Variants in EYS observed in about 807,000 individuals in gnomAD.
EYS encodes protein eyes shut homolog.
EYS carries 250 observed loss-of-function variants against 282.1 expected under a neutral mutation model. That is an observed-to-expected ratio of 0.89 (90% CI 0.80 to 0.98). The LOEUF is 0.98. EYS is among the 50% of genes least tolerant of loss of function. The pLI, the probability that EYS is intolerant of heterozygous loss-of-function variation, is 0.00. For synonymous variants in EYS, 1,355 were observed against 1,282.9 expected, an observed-to-expected ratio of 1.06 and a Z score of -1.20; for missense variants, 4,016 against 3,709.0, an observed-to-expected ratio of 1.08 and a Z score of -2.15.
Position 64,071,614 on chromosome 6 carries a change from A to G in EYS, c.6572-5123T>C, listed in dbSNP as rs144987792. ...CTTAAAGAATAATTTTTAAAAGGGT[A>G]TATAAAAACACATGTCATTTAGCAT... On this transcript the variant is annotated intron_variant, in intron 32 of 42. Coordinates refer to ENST00000503581, the MANE Select transcript of EYS (RefSeq NM_001142800.2). Among the ~76,000 whole-genome samples the G allele has an allele frequency of 1.4e-3, 211 of 148,968 alleles. 1 individual carries two copies. Among genetic ancestry groups the G allele is most frequent in the African/African-American group, 4.2e-3 (171 of 40,656 alleles).
intron 2 of EYS, among the ~76,000 whole-genome samples, chr6:65,550,331 T>TTTTATTTTATTTTTTA (rs1290880727): frequency 2.6e-5 from 1 of 39,050 alleles, no homozygotes; most frequent in Non-Finnish European, 3.9e-5. Flanking sequence ...GAGAGTTGTT[T>TTTTATTTTATTTTTTA]TTTATTTATT....
chr6:65,648,069 A>G (rs909422794), intron 1 of EYS, among the ~76,000 whole-genome samples: 2 of 152,208 alleles, frequency 1.3e-5, no homozygotes, highest in Non-Finnish European at 2.9e-5. Context: ...ACACTTTTAC[A>G]CTGTTGGTGG....
chr6:65,339,702 G>A (rs1175363357), intron 10 of EYS, among the ~76,000 whole-genome samples: 1 of 151,040 alleles, frequency 6.6e-6, no homozygotes, highest in East Asian at 2.0e-4. Context: ...GTGTCAAGCA[G>A]ATTGAGTTAT....
chr6:63,968,225 A>C (rs9353408), intron 35 of EYS, among the ~76,000 whole-genome samples: 73,491 of 151,978 alleles, frequency 0.48, 19,039 homozygotes, highest in African/African-American at 0.69. Context: ...GAAAAAGACT[A>C]AGATATCAGA....
intron 22 of EYS, among the ~76,000 whole-genome samples, chr6:64,655,858 T>C (rs1281288088): frequency 6.6e-6 from 1 of 152,136 alleles, no homozygotes; most frequent in African/African-American, 2.4e-5. Flanking sequence ...AAGTAGATGA[T>C]GGAATTTAAA....
At chr6:65,064,715 C>T (rs959446918) in intron 12 of EYS, among the ~76,000 whole-genome samples, 1 of 151,956 alleles carries the variant, frequency 6.6e-6, no homozygotes, top group South Asian at 2.1e-4. Context: ...GGTTCAAACA[C>T]TCACAGACCC....
rs1770719853 is a variant in EYS, at chr6:63,799,022, A to AAT, written c.7411+7167_7411+7168insAT. On this transcript the variant is annotated intron_variant, in intron 37 of 42. Transcript: ENST00000503581. The stretch of plus-strand genomic sequence containing the variant: ...ATATATATATATATATATATATATA[A>AAT]TTTTTTTTTTTGAGACAGTTTCACT... 9.4e-3 allele frequency among the ~76,000 whole-genome samples: 655 copies of AAT among 69,386 alleles called. 8 individuals are homozygous for AAT. The highest frequency in any genetic ancestry group is 0.036 in the African/African-American group (630 of 17,426). The allele number at this position is 69,386 out of a possible 152,430, so 45.5% of individuals were successfully genotyped here. A position where few individuals can be genotyped will look rare whatever the true frequency, so the allele number is the denominator to read the frequency against.
At chr6:65,417,361 G>T (rs1431971687) in intron 5 of EYS, among the ~76,000 whole-genome samples, 1 of 151,948 alleles carries the variant, frequency 6.6e-6, no homozygotes. Flanking sequence ...TTCAGTTTTG[G>T]CCATGCAGGA....
chr6:63,839,614 G>T (rs916147916), intron 36 of EYS, among the ~76,000 whole-genome samples: 7 of 152,114 alleles, frequency 4.6e-5, no homozygotes, highest in African/African-American at 1.7e-4. Context: ...CTCCCAAAGT[G>T]CTGACATTAC....
At chr6:64,716,766 AT>A (rs774825652) in intron 22 of EYS, among the ~76,000 whole-genome samples, 8 of 151,448 alleles carry the variant, frequency 5.3e-5, no homozygotes, top group South Asian at 2.1e-4. Context: ...TTACGTTGAT[AT>A]TTTTTTTTCT....
intron 31 of EYS, among the ~76,000 whole-genome samples, chr6:64,105,607 C>T (rs1772983568): frequency 6.6e-6 from 1 of 152,128 alleles, no homozygotes. Flanking sequence ...CCCTCCCTCT[C>T]ATCCCCTGGC....
intron 2 of EYS, among the ~76,000 whole-genome samples, chr6:65,524,207 C>T (rs1393509435): frequency 6.6e-6 from 1 of 151,556 alleles, no homozygotes; most frequent in Non-Finnish European, 1.5e-5. Context: ...CAGAATTAAT[C>T]ACCCTGGCCT....
intron 31 of EYS, among the ~76,000 whole-genome samples, chr6:64,106,234 A>G (rs543460741): frequency 6.6e-6 from 1 of 151,968 alleles, no homozygotes; most frequent in Non-Finnish European, 1.5e-5. Flanking sequence ...TTTTAAAAAA[A>G]CTTTTTTAGT....
intron 12 of EYS, among the ~76,000 whole-genome samples, chr6:65,206,794 T>C (rs1173438174): frequency 6.6e-6 from 1 of 151,792 alleles, no homozygotes; most frequent in Non-Finnish European, 1.5e-5. Flanking sequence ...TCTTAATAGA[T>C]TCAGAAAAAG....
intron 12 of EYS, among the ~76,000 whole-genome samples, chr6:65,172,018 C>T (rs1261679265): frequency 6.6e-6 from 1 of 151,192 alleles, no homozygotes; most frequent in East Asian, 2.0e-4. Context: ...TGGAAATTTC[C>T]CAGAACTCCA....
intron 10 of EYS, among the ~76,000 whole-genome samples, chr6:65,337,220 T>C (rs1254448373): frequency 1.3e-5 from 2 of 151,488 alleles, no homozygotes; most frequent in Non-Finnish European, 1.5e-5. Context: ...TACTAGGAAG[T>C]AGAATAGTTC....
chr6:64,807,076 T>A (rs1764452497), intron 22 of EYS, among the ~76,000 whole-genome samples: 1 of 152,170 alleles, frequency 6.6e-6, no homozygotes, highest in African/African-American at 2.4e-5. Context: ...ACATGGTTAA[T>A]AATACTTATG....
rs184078906 is a variant in EYS at position 64,925,894 on chromosome 6, G to A, written c.2382-13151C>T. Among the ~76,000 whole-genome samples the A allele has an allele frequency of 1.9e-3, 284 of 152,188 alleles. 2 individuals carry two copies. Among genetic ancestry groups the A allele is most frequent in the African/African-American group, 6.4e-3 (266 of 41,526 alleles). ...GCAAGCACCAGCCCCAGTAGGGTTCGGAGTCAGTTCTCGGGTCCCTAGAAT... is the reference window on the plus strand; with the variant it reads ...GCAAGCACCAGCCCCAGTAGGGTTCAGAGTCAGTTCTCGGGTCCCTAGAAT... On this transcript the variant is annotated intron_variant, in intron 15 of 42. Transcript: ENST00000503581.
intron 2 of EYS, among the ~76,000 whole-genome samples, chr6:65,626,718 G>A (rs1335864885): frequency 6.6e-6 from 1 of 151,952 alleles, no homozygotes; most frequent in African/African-American, 2.4e-5. Flanking sequence ...TGACTAATTT[G>A]CAAAATAACA....
Sources: allele counts gnomAD v4.1 joint callset (sites outside exome capture counted in the v4.1 genomes callset), GRCh38; gene constraint gnomAD v4.1.1; transcripts MANE v1.5; gene names NCBI Gene and HGNC (gene_info 2026-07-23, HGNC 2026-07-21).